The following RNLS variants were observed in gnomAD, a reference collection of about 807,000 sequenced individuals.
The protein encoded by RNLS is renalase, FAD dependent amine oxidase.
A neutral mutation model predicts 39.8 loss-of-function variants in RNLS; 39 were observed. The ratio of observed to expected loss-of-function variants is 0.98; its 90% confidence interval spans 0.76 to 1.28. The LOEUF (loss-of-function observed/expected upper bound fraction) is 1.28. Among genes scored for constraint, RNLS ranks in the 50% most tolerant of loss-of-function variants. RNLS has a pLI of 0.00. For synonymous variants in RNLS, 147 were observed against 150.7 expected (o/e 0.98, Z 0.18); for missense variants, 410 against 413.3 (o/e 0.99, Z 0.07).
intron 4 of RNLS, among the ~76,000 whole-genome samples, chr10:88,484,594 T>C (rs1025228529): frequency 1.3e-5 from 2 of 152,004 alleles, no homozygotes; most frequent in African/African-American, 4.8e-5. Flanking sequence ...CAGAAGATTA[T>C]AATGAGAAGA....
chr10:88,287,692 G>A (rs1843370020), intron 6 of RNLS, among the ~76,000 whole-genome samples: 1 of 152,124 alleles, frequency 6.6e-6, no homozygotes, highest in Admixed American at 6.6e-5. Context: ...ATGGCAGAAG[G>A]AAAGCAGGCA....
At chr10:88,544,928 G>C (rs1022914334) in intron 4 of RNLS, among the ~76,000 whole-genome samples, 1 of 152,074 alleles carries the variant, frequency 6.6e-6, no homozygotes, top group African/African-American at 2.4e-5. Flanking sequence ...TTGTTGTACA[G>C]TGTAGAATGC....
intron 5 of RNLS, among the ~76,000 whole-genome samples, chr10:88,338,902 C>G (rs1313785884): frequency 6.6e-6 from 1 of 152,064 alleles, no homozygotes; most frequent in Non-Finnish European, 1.5e-5. Context: ...GCTGGGACTA[C>G]AGGCGCCCGC....
In RNLS at chr10:88,331,022, GA is replaced by G. The variant is rs201415183; in HGVS notation, c.701-16382del. Among the ~76,000 whole-genome samples the G allele has an allele frequency of 7.6e-3, 1,161 of 152,216 alleles. 8 individuals are homozygous for G. Among genetic ancestry groups the G allele is most frequent in the Non-Finnish European group, 0.014 (961 of 67,982 alleles). On this transcript the variant is annotated intron_variant, in intron 5 of 6. Transcript: ENST00000331772. ...AACAAATGCATTTTAATATTGGCTA[GA>G]AAATTGGATATAAGGAAAAAATTAA...
intron 6 of RNLS, among the ~76,000 whole-genome samples, chr10:88,275,688 G>T (rs1047353160): frequency 1.3e-5 from 2 of 152,122 alleles, no homozygotes; most frequent in African/African-American, 4.8e-5. Flanking sequence ...AAAACGCACA[G>T]AACATTACCA....
Position 88,524,960 on chromosome 10 carries a change from C to CATATATAT in RNLS, c.526+47935_526+47942dup, listed in dbSNP as rs772272529. ...TATATATATATATGGCACACACATA[C>CATATATAT]ATATATATATATATATATATATATA... On this transcript the variant is annotated intron_variant, in intron 4 of 6. Coordinates refer to ENST00000331772, the MANE Select transcript of RNLS (RefSeq NM_001031709.3). Among the ~76,000 whole-genome samples the CATATATAT allele has an allele frequency of 3.4e-3, 304 of 88,810 alleles. 1 individual carries two copies. Among genetic ancestry groups the CATATATAT allele is most frequent in the Non-Finnish European group, 5.4e-3 (250 of 46,042 alleles). 58.3% of individuals were successfully genotyped at this position (88,810 alleles called of 152,430 possible).
intron 4 of RNLS, among the ~76,000 whole-genome samples, chr10:88,445,671 C>T (rs1841992236): frequency 6.6e-6 from 1 of 152,122 alleles, no homozygotes; most frequent in Non-Finnish European, 1.5e-5. Context: ...ATCCTAGTCT[C>T]TGATAAAACA....
intron 4 of RNLS, among the ~76,000 whole-genome samples, chr10:88,453,219 C>T (rs933654099): frequency 6.6e-6 from 1 of 152,210 alleles, no homozygotes; most frequent in African/African-American, 2.4e-5. Context: ...ACCTCCAAAA[C>T]TATAGTACTT....
chr10:88,522,837 G>A (rs1846841102), intron 4 of RNLS, among the ~76,000 whole-genome samples: 1 of 152,112 alleles, frequency 6.6e-6, no homozygotes, highest in South Asian at 2.1e-4. Context: ...TGCCAATGTG[G>A]CCAGCAGCTG....
chr10:88,240,406 C>CTTTT, the RNLS span, among the ~76,000 whole-genome samples: 29 of 108,664 alleles, frequency 2.7e-4, no homozygotes, highest in East Asian at 4.9e-3. Flanking sequence ...GCAAAAAGTC[C>CTTTT]TTTTTTTAAA....
intron 4 of RNLS, among the ~76,000 whole-genome samples, chr10:88,486,166 A>G (rs1219631226): frequency 1.3e-5 from 2 of 152,146 alleles, no homozygotes; most frequent in Non-Finnish European, 2.9e-5. Context: ...CTGGCTAGCC[A>G]TATGCAGAAA....
At chr10:88,270,625 G>T (rs1842622961), downstream of RNLS, among the ~76,000 whole-genome samples, 1 of 152,080 alleles carries the variant, frequency 6.6e-6, no homozygotes, top group Admixed American at 6.6e-5. Context: ...CTCAATACTT[G>T]TCCAATAGTA....
At chr10:88,193,375 G>A in the RNLS span, among the ~76,000 whole-genome samples, 2 of 151,962 alleles carry the variant, frequency 1.3e-5, no homozygotes, top group African/African-American at 2.4e-5. Context: ...AACAGAGTGC[G>A]AACACATTAG....
chr10:88,376,784 A>C (rs780609982), intron 4 of RNLS, among the ~76,000 whole-genome samples: 2 of 152,176 alleles, frequency 1.3e-5, no homozygotes, highest in Non-Finnish European at 2.9e-5. Context: ...CAATATATAA[A>C]TATTGTGGGT....
At chr10:88,180,778 C>T in the RNLS span, among the ~76,000 whole-genome samples, 1 of 152,094 alleles carries the variant, frequency 6.6e-6, no homozygotes, top group African/African-American at 2.4e-5. Flanking sequence ...ACCTGTCATA[C>T]ATATATCAAA....
rs550004797 is a variant in RNLS at position 88,462,699 on chromosome 10, C to T, written c.527-99974G>A. On this transcript the variant is annotated intron_variant, in intron 4 of 6. Transcript: ENST00000331772. The stretch of plus-strand genomic sequence containing the variant: ...GGAAGCAGAGAAAAGGGAATAATAA[C>T]CTGCCTGTGGGGAATTAGAGAATGC... 2.6e-5 allele frequency among the ~76,000 whole-genome samples: 4 copies of T among 152,006 alleles called. No individual in the cohort carries two copies. In the South Asian group the frequency reaches 8.3e-4, roughly 31 times the overall value.
At chr10:88,182,914 A>G in the RNLS span, among the ~76,000 whole-genome samples, 5 of 152,110 alleles carry the variant, frequency 3.3e-5, no homozygotes, top group Non-Finnish European at 7.4e-5. Flanking sequence ...TGGGAGTTAG[A>G]CAGACTGGCT....
At chr10:88,482,002 A>C (rs889460047) in intron 4 of RNLS, among the ~76,000 whole-genome samples, 2 of 152,102 alleles carry the variant, frequency 1.3e-5, no homozygotes, top group Admixed American at 6.6e-5. Flanking sequence ...GTATCTTTCA[A>C]ATGAGAAATC....
At chr10:88,227,218 G>A in the RNLS span, among the ~76,000 whole-genome samples, 1 of 152,140 alleles carries the variant, frequency 6.6e-6, no homozygotes, top group South Asian at 2.1e-4. Context: ...GAAATGACAT[G>A]GTGAAAATAC....
Sources: gnomAD v4.1 joint callset for allele counts (sites outside exome capture counted in the v4.1 genomes callset) on GRCh38, gnomAD v4.1.1 for gene constraint, MANE v1.5 for transcripts, NCBI Gene and HGNC (gene_info 2026-07-23, HGNC 2026-07-21) for gene names.